Variants in RNASEH2B observed in about 807,000 individuals in gnomAD.
RNASEH2B encodes Aicardi-Goutieres syndrome 2 protein.
A neutral mutation model predicts 45.0 loss-of-function variants in RNASEH2B; 36 were observed. The observed-to-expected ratio is 0.80, with a 90% confidence interval of 0.61 to 1.06. RNASEH2B has a LOEUF of 1.06. Ranked by LOEUF, RNASEH2B falls within the 50% of genes least tolerant of loss-of-function variation. The pLI is 0.00. For missense variants in RNASEH2B, 361 were observed against 360.3 expected, an observed-to-expected ratio of 1.00 and a Z score of -0.02; for synonymous variants, 119 against 125.7, an observed-to-expected ratio of 0.95 and a Z score of 0.35.
intron 9 of RNASEH2B, among the ~76,000 whole-genome samples, chr13:50,963,313 C>T (rs981608483): frequency 3.3e-5 from 5 of 152,038 alleles, no homozygotes; most frequent in South Asian, 2.1e-4. Context: ...TACAGTCATG[C>T]GTCACCAGAC....
At chr13:50,968,502 A>G (rs564513265) in intron 9 of RNASEH2B, among the ~76,000 whole-genome samples, 18 of 152,330 alleles carry the variant, frequency 1.2e-4, no homozygotes, top group Non-Finnish European at 2.2e-4. Flanking sequence ...GTGAGGTCAT[A>G]CAGACAGTAG....
chr13:50,929,685 T>A (rs771777840), intron 3 of RNASEH2B, 103 bp downstream of exon 3: 4 of 763,072 alleles, frequency 5.2e-6, no homozygotes, highest in Non-Finnish European at 9.3e-6. Flanking sequence ...TGGAGTCTGG[T>A]CACTGGTTTA....
At chr13:50,951,566 T>C (rs1187946700) in intron 9 of RNASEH2B, 1 of 152,104 alleles carries the variant, frequency 6.6e-6, no homozygotes, top group Non-Finnish European at 1.5e-5. Context: ...TGTTCCCGAG[T>C]TCCTTCTTGC....
At chr13:50,969,625 A>G (rs1952201569) in intron 9 of RNASEH2B, among the ~76,000 whole-genome samples, 1 of 151,680 alleles carries the variant, frequency 6.6e-6, no homozygotes, top group Non-Finnish European at 1.5e-5. Context: ...GATGGTGCCC[A>G]TCCTGTAAGT....
chr13:50,948,123 C>G (rs1951929309), intron 8 of RNASEH2B, 55 bp downstream of exon 8: 1 of 1,602,250 alleles, frequency 6.2e-7, no homozygotes, highest in South Asian at 1.1e-5. Flanking sequence ...CTTGGTTTCC[C>G]CAGCAGTGGG....
intron 5 of RNASEH2B, chr13:50,941,868 T>C (rs1478032286): frequency 6.6e-6 from 1 of 152,300 alleles, no homozygotes; most frequent in Non-Finnish European, 1.5e-5. Context: ...CCTGAGAAGA[T>C]GGCTGCAGAT....
At chr13:50,922,726 A>G (rs1351758021) in intron 1 of RNASEH2B, among the ~76,000 whole-genome samples, 1 of 152,248 alleles carries the variant, frequency 6.6e-6, no homozygotes, top group African/African-American at 2.4e-5. Flanking sequence ...ATTTGTTATT[A>G]TCTGAAGTGC....
At chr13:50,930,651 T>G (rs1951667592) in intron 3 of RNASEH2B, 32 bp from the exon 4 acceptor site, 1 of 1,504,680 alleles carries the variant, frequency 6.6e-7, no homozygotes, top group East Asian at 2.3e-5. Context: ...TCCAAGACGT[T>G]TAATTCCCTT....
At chr13:50,969,561 C>T (rs1426912413) in intron 9 of RNASEH2B, among the ~76,000 whole-genome samples, 1 of 151,112 alleles carries the variant, frequency 6.6e-6, no homozygotes, top group Non-Finnish European at 1.5e-5. Context: ...AAGAATTACT[C>T]ATCTCAGAAC....
chr13:50,919,025 G>A (rs1951483956), intron 1 of RNASEH2B, among the ~76,000 whole-genome samples: 1 of 152,182 alleles, frequency 6.6e-6, no homozygotes, highest in Non-Finnish European at 1.5e-5. Flanking sequence ...GTGGGTGTAT[G>A]TTTCTCAGAG....
At chr13:50,949,287 A>C in intron 8 of RNASEH2B, 176 bp from the exon 9 acceptor site, 1 of 611,000 alleles carries the variant, frequency 1.6e-6, no homozygotes. Context: ...CAAAATAAAG[A>C]CTCATTTATT....
intron 1 of RNASEH2B, among the ~76,000 whole-genome samples, chr13:50,926,586 A>G (rs1242182122): frequency 6.6e-6 from 1 of 152,196 alleles, no homozygotes; most frequent in Non-Finnish European, 1.5e-5. Flanking sequence ...TTTCCTCTTA[A>G]TATCTTATAC....
chr13:50,961,113 A>G (rs1952107551), downstream of RNASEH2B, among the ~76,000 whole-genome samples: 2 of 152,176 alleles, frequency 1.3e-5, no homozygotes, highest in African/African-American at 2.4e-5. Flanking sequence ...GTCTATCCCA[A>G]TATCAGTGTT....
At chr13:50,926,301 G>T (rs1951595043) in intron 1 of RNASEH2B, among the ~76,000 whole-genome samples, 1 of 152,018 alleles carries the variant, frequency 6.6e-6, no homozygotes, top group Non-Finnish European at 1.5e-5. Flanking sequence ...GGGAGTGGGG[G>T]CCATAGAAAA....
At chr13:50,929,451 T>G (rs749691175) in intron 2 of RNASEH2B, 24 bp from the exon 3 acceptor site, 3 of 1,481,150 alleles carry the variant, frequency 2.0e-6, no homozygotes, top group Non-Finnish European at 2.8e-6. Context: ...AACTTACAAA[T>G]AAAAGACAGA....
chr13:50,954,398 T>C (rs972092709), intron 10 of RNASEH2B: 2 of 314,306 alleles, frequency 6.4e-6, no homozygotes, highest in African/African-American at 4.3e-5. Flanking sequence ...TACTTAGTTT[T>C]ATACATGCAT....
rs1952009725 is a variant in RNASEH2B at position 50,953,965 on chromosome 13, A to G, written c.802A>G (p.Lys268Glu). ...AGAAGATTACACTAAGTTTAATACT[A>G]AAGATTTGAAGACTGAAAAGGTATG... Reference protein sequence around the residue: ...AKEDYTKFNTKDLKTEKKNSK... With the variant: ...AKEDYTKFNTEDLKTEKKNSK... The change falls in exon 10 of 11, where the codon AAA becomes GAA. Residue 268 changes from lysine to glutamate, a missense_variant. Physicochemically the swap from Lys to Glu is moderately conservative, Grantham distance 56. Transcript: ENST00000336617. 1.9e-6 allele frequency: 3 copies of G among 1,602,842 alleles called. No homozygotes were observed. The highest frequency in any genetic ancestry group is 1.3e-5 in the African/African-American group (1 of 74,668).
intron 9 of RNASEH2B, among the ~76,000 whole-genome samples, chr13:50,963,619 T>C (rs1353862415): frequency 6.6e-6 from 1 of 152,232 alleles, no homozygotes; most frequent in Non-Finnish European, 1.5e-5. Flanking sequence ...ATTATCTTTG[T>C]TATTTTCTAT....
intron 9 of RNASEH2B, among the ~76,000 whole-genome samples, chr13:50,963,238 C>T (rs1952129440): frequency 6.6e-6 from 1 of 152,124 alleles, no homozygotes; most frequent in Non-Finnish European, 1.5e-5. Context: ...AATCTCAGCT[C>T]GCTGCAACTT....
Sources: allele counts gnomAD v4.1 joint callset (sites outside exome capture counted in the v4.1 genomes callset), GRCh38; gene constraint gnomAD v4.1.1; transcripts MANE v1.5; gene names NCBI Gene and HGNC (gene_info 2026-07-23, HGNC 2026-07-21).